The following MDFIC2 variants were observed in gnomAD, a reference collection of about 807,000 sequenced individuals.
MDFIC2 encodes myoD family inhibitor domain-containing protein 2.
chr3:70,205,207 A>G (rs1009426754), intron 3 of MDFIC2: 1 of 152,116 alleles, frequency 6.6e-6, no homozygotes, highest in Non-Finnish European at 1.5e-5. Flanking sequence ...GAAAACTTCA[A>G]TATCTGGCAA....
chr3:70,197,783 A>C (rs1185972045), intron 3 of MDFIC2, among the ~76,000 whole-genome samples: 1 of 152,184 alleles, frequency 6.6e-6, no homozygotes, highest in African/African-American at 2.4e-5. Context: ...GTTTCCCTCC[A>C]GTTATGTAAA....
At chr3:70,252,557 T>C (rs1372883482) in intron 2 of MDFIC2, among the ~76,000 whole-genome samples, 1 of 152,136 alleles carries the variant, frequency 6.6e-6, no homozygotes, top group Non-Finnish European at 1.5e-5. Context: ...GCAAACAATA[T>C]AAATCAATAA....
intron 2 of MDFIC2, among the ~76,000 whole-genome samples, 195 bp downstream of exon 2, chr3:70,311,691 G>A (rs138939686): frequency 2.6e-5 from 4 of 151,792 alleles, no homozygotes; most frequent in African/African-American, 4.8e-5. Flanking sequence ...ACCACAAGAA[G>A]CATTTTAATA....
intron 2 of MDFIC2, among the ~76,000 whole-genome samples, chr3:70,235,649 C>T (rs1701599796): frequency 6.6e-6 from 1 of 152,164 alleles, no homozygotes. Flanking sequence ...TCTATGACCC[C>T]TTTGCTGACC....
At chr3:70,214,279 A>G (rs1701383515) in intron 2 of MDFIC2, among the ~76,000 whole-genome samples, 1 of 152,140 alleles carries the variant, frequency 6.6e-6, no homozygotes, top group African/African-American at 2.4e-5. Flanking sequence ...TTTCAAGTTA[A>G]AGTCACAGTC....
At chr3:70,302,790 A>G (rs562549672) in intron 2 of MDFIC2, 6 of 152,314 alleles carry the variant, frequency 3.9e-5, no homozygotes, top group African/African-American at 1.4e-4. Context: ...GCACTGATTA[A>G]TTCATCTGGT....
chr3:70,197,884 G>T (rs1701197340), intron 3 of MDFIC2, among the ~76,000 whole-genome samples: 1 of 151,976 alleles, frequency 6.6e-6, no homozygotes, highest in Admixed American at 6.6e-5. Context: ...TAAGAAAATT[G>T]GTTTAAAAAT....
At chr3:70,301,583 A>G (rs935297015) in intron 2 of MDFIC2, among the ~76,000 whole-genome samples, 12 of 152,100 alleles carry the variant, frequency 7.9e-5, no homozygotes, top group Non-Finnish European at 1.6e-4. Flanking sequence ...ATTATTTTGT[A>G]AAACGAATGC....
chr3:70,205,268 G>T (rs868361248), intron 3 of MDFIC2: 17 of 152,034 alleles, frequency 1.1e-4, no homozygotes, highest in African/African-American at 3.6e-4. Context: ...CTGTGTCGAG[G>T]TAGTGACATT....
chr3:70,243,842 C>G (rs957165146), intron 2 of MDFIC2, among the ~76,000 whole-genome samples: 2 of 152,128 alleles, frequency 1.3e-5, no homozygotes, highest in African/African-American at 4.8e-5. Flanking sequence ...AGCTTTGTGT[C>G]TAGGAGGATA....
intron 2 of MDFIC2, among the ~76,000 whole-genome samples, chr3:70,228,274 A>G (rs1030797879): frequency 1.3e-5 from 2 of 152,084 alleles, no homozygotes; most frequent in Non-Finnish European, 2.9e-5. Context: ...ATAACACTAT[A>G]TTATATATTT....
chr3:70,267,529 A>AGTAGCTGG (rs1701928325), intron 2 of MDFIC2, among the ~76,000 whole-genome samples: 1 of 146,444 alleles, frequency 6.8e-6, no homozygotes, highest in Non-Finnish European at 1.5e-5. Context: ...CAGCTTCCCG[A>AGTAGCTGG]GTAGCTGGGA....
chr3:70,198,034 G>C (rs1034660999), intron 3 of MDFIC2, among the ~76,000 whole-genome samples: 2 of 152,128 alleles, frequency 1.3e-5, no homozygotes, highest in African/African-American at 4.8e-5. Flanking sequence ...AGAAGATGTA[G>C]CAGTTCTCTT....
intron 2 of MDFIC2, among the ~76,000 whole-genome samples, chr3:70,283,246 C>A (rs1702106516): frequency 6.6e-6 from 1 of 152,036 alleles, no homozygotes; most frequent in African/African-American, 2.4e-5. Flanking sequence ...TTGCGGGAAC[C>A]TTGTAAACTC....
chr3:70,287,975 G>A (rs1299730158), intron 2 of MDFIC2, among the ~76,000 whole-genome samples: 5 of 151,994 alleles, frequency 3.3e-5, no homozygotes, highest in African/African-American at 1.2e-4. Context: ...CTTGCTAGCA[G>A]TCTATCTCTT....
chr3:70,240,272 A>T (rs1317226138), intron 2 of MDFIC2, among the ~76,000 whole-genome samples: 1 of 151,910 alleles, frequency 6.6e-6, no homozygotes. Flanking sequence ...AGCTTTTCCT[A>T]TATTATCTCA....
rs1319686944 is a variant in MDFIC2 at position 70,195,938 on chromosome 3, T to C, written c.*988A>G. ...GTAAAATAAGTACTTGACATAATTATTGATCACTTTAATTATCAGACAAAG... is the reference window on the plus strand; with the variant it reads ...GTAAAATAAGTACTTGACATAATTACTGATCACTTTAATTATCAGACAAAG... On this transcript the variant is annotated 3_prime_UTR_variant, in exon 4 of 4. Coordinates refer to ENST00000567252, the MANE Select transcript of MDFIC2 (RefSeq NM_001364677.1). Among the ~76,000 whole-genome samples the C allele has an allele frequency of 6.6e-6, 1 of 152,198 alleles. No homozygotes were observed. The highest frequency in any genetic ancestry group is 1.5e-5 in the Non-Finnish European group (1 of 68,012).
intron 2 of MDFIC2, among the ~76,000 whole-genome samples, chr3:70,303,684 T>A (rs1702371561): frequency 6.6e-6 from 1 of 152,148 alleles, no homozygotes. Flanking sequence ...AGTTCTTTAT[T>A]TTATTTTATT....
At chr3:70,269,807 C>T (rs530982637) in intron 2 of MDFIC2, among the ~76,000 whole-genome samples, 26 of 152,130 alleles carry the variant, frequency 1.7e-4, no homozygotes, top group East Asian at 5.8e-4. Flanking sequence ...GAAATTTAAA[C>T]GAAATCACAT....
Sources: gnomAD v4.1 joint callset for allele counts (sites outside exome capture counted in the v4.1 genomes callset) on GRCh38, gnomAD v4.1.1 for gene constraint, MANE v1.5 for transcripts, NCBI Gene and HGNC (gene_info 2026-07-23, HGNC 2026-07-21) for gene names.